ALCAM: variants seen among roughly 807,000 people sequenced by gnomAD.
The protein encoded by ALCAM is activated leukocyte cell adhesion molecule, also known as CD166 antigen.
In ALCAM, 30 loss-of-function variants were observed where a neutral mutation model predicts 70.9. The observed-to-expected ratio is 0.42, with a 90% confidence interval of 0.32 to 0.57. ALCAM has a LOEUF of 0.57. Among genes scored for constraint, ALCAM ranks in the 20% least tolerant of loss-of-function variants. The pLI is 0.11. For missense variants in ALCAM, 591 were observed against 695.1 expected (o/e 0.85, Z 1.68); for synonymous variants, 249 against 242.5 (o/e 1.03, Z -0.25).
At chr3:105,425,173 CTTCA>C (rs1431314985) in intron 1 of ALCAM, among the ~76,000 whole-genome samples, 1 of 151,758 alleles carries the variant, frequency 6.6e-6, no homozygotes, top group African/African-American at 2.4e-5. Flanking sequence ...TTGTTTTGTA[CTTCA>C]TTATTATTGA....
chr3:105,548,861 A>G (rs1410614552), intron 11 of ALCAM, among the ~76,000 whole-genome samples: 5 of 151,468 alleles, frequency 3.3e-5, no homozygotes, highest in Non-Finnish European at 5.9e-5. Flanking sequence ...TTTCTACTCT[A>G]TTGTTTTTGC....
At chr3:105,551,202 A>G (rs1362342679) in intron 12 of ALCAM, among the ~76,000 whole-genome samples, 1 of 151,696 alleles carries the variant, frequency 6.6e-6, no homozygotes. Flanking sequence ...GATTGACAGG[A>G]TAAAAGAACC....
chr3:105,515,558 C>T (rs1331990844), intron 1 of ALCAM, among the ~76,000 whole-genome samples: 3 of 152,006 alleles, frequency 2.0e-5, no homozygotes, highest in African/African-American at 7.2e-5. Context: ...GCAATTTTGC[C>T]TCCCAATGGG....
chr3:105,470,124 T>TATATA (rs1937881939), intron 1 of ALCAM, among the ~76,000 whole-genome samples: 3 of 68,808 alleles, frequency 4.4e-5, no homozygotes, highest in African/African-American at 1.5e-4. Context: ...TATGATATGT[T>TATATA]ATATACATAC....
chr3:105,408,317 G>A (rs1206829816), intron 1 of ALCAM, among the ~76,000 whole-genome samples: 2 of 152,096 alleles, frequency 1.3e-5, no homozygotes, highest in South Asian at 2.1e-4. Flanking sequence ...TAAGGCCATA[G>A]TCACCAAAAC....
At chr3:105,563,083 G>C (rs1391121648) in intron 14 of ALCAM, among the ~76,000 whole-genome samples, 3 of 152,006 alleles carry the variant, frequency 2.0e-5, no homozygotes, top group African/African-American at 7.3e-5. Context: ...TGGGATTACA[G>C]GCATGAGTCA....
intron 1 of ALCAM, among the ~76,000 whole-genome samples, chr3:105,406,721 GACA>G (rs1027988686): frequency 5.4e-5 from 8 of 147,670 alleles, no homozygotes; most frequent in East Asian, 2.0e-4. Flanking sequence ...AAATTTAAAC[GACA>G]ACAACAACAA....
intron 1 of ALCAM, among the ~76,000 whole-genome samples, chr3:105,392,600 T>C (rs1157462424): frequency 6.6e-6 from 1 of 152,012 alleles, no homozygotes; most frequent in Non-Finnish European, 1.5e-5. Context: ...TGATCTTGTT[T>C]ATTTCTTGCC....
intron 11 of ALCAM, 132 bp from the exon 12 acceptor site, chr3:105,549,995 T>C (rs1481629131): frequency 4.5e-6 from 3 of 663,042 alleles, no homozygotes; most frequent in East Asian, 2.9e-5. Context: ...TGATCTATGA[T>C]CTTACATAGC....
At chr3:105,416,377 A>G (rs1936508452) in intron 1 of ALCAM, among the ~76,000 whole-genome samples, 1 of 152,018 alleles carries the variant, frequency 6.6e-6, no homozygotes, top group Non-Finnish European at 1.5e-5. Context: ...TGGTCAATTT[A>G]CTAAACTTTT....
At chr3:105,392,245 C>G (rs1246946618) in intron 1 of ALCAM, among the ~76,000 whole-genome samples, 1 of 151,808 alleles carries the variant, frequency 6.6e-6, no homozygotes. Flanking sequence ...GCCTCAATTT[C>G]AGAACTTACT....
chr3:105,389,031 A>G (rs1429343952), intron 1 of ALCAM, among the ~76,000 whole-genome samples: 1 of 151,622 alleles, frequency 6.6e-6, no homozygotes, highest in African/African-American at 2.4e-5. Flanking sequence ...TCTTTGTTGA[A>G]TGAACAAAGT....
chr3:105,570,522 G>A (rs780567322), intron 14 of ALCAM, among the ~76,000 whole-genome samples: 1 of 152,140 alleles, frequency 6.6e-6, no homozygotes, highest in Non-Finnish European at 1.5e-5. Flanking sequence ...GAAGCACAGA[G>A]AGGAAAAAGA....
chr3:105,461,755 C>T (rs1318500660), intron 1 of ALCAM, among the ~76,000 whole-genome samples: 2 of 151,712 alleles, frequency 1.3e-5, no homozygotes, highest in East Asian at 1.9e-4. Context: ...CTTCCATGTT[C>T]TACCACCTCC....
intron 1 of ALCAM, among the ~76,000 whole-genome samples, chr3:105,387,188 G>A (rs957107441): frequency 2.0e-5 from 3 of 151,258 alleles, no homozygotes; most frequent in African/African-American, 7.3e-5. Flanking sequence ...CTGCTATAGG[G>A]AAGGGCAGGC....
At chr3:105,412,416 G>T (rs1049965034) in intron 1 of ALCAM, among the ~76,000 whole-genome samples, 1 of 152,076 alleles carries the variant, frequency 6.6e-6, no homozygotes, top group Non-Finnish European at 1.5e-5. Context: ...AATTTAAGCA[G>T]ATGTATTCCT....
At chr3:105,447,381 A>C (rs900903344) in intron 1 of ALCAM, among the ~76,000 whole-genome samples, 1 of 152,188 alleles carries the variant, frequency 6.6e-6, no homozygotes, top group African/African-American at 2.4e-5. Context: ...GTATTTTTAA[A>C]GGTAAATCAC....
chr3:105,449,564 A>G (rs1162426991), intron 1 of ALCAM, among the ~76,000 whole-genome samples: 2 of 152,234 alleles, frequency 1.3e-5, no homozygotes, highest in Non-Finnish European at 2.9e-5. Context: ...TCAATTAATC[A>G]GTTACCTTTC....
chr3:105,511,806 G>A (rs150616357), intron 1 of ALCAM, among the ~76,000 whole-genome samples: 2 of 152,096 alleles, frequency 1.3e-5, no homozygotes, highest in African/African-American at 2.4e-5. Flanking sequence ...GATACTTAAT[G>A]TGGAATATAC....
Sources: gnomAD v4.1 joint callset for allele counts (sites outside exome capture counted in the v4.1 genomes callset) on GRCh38, gnomAD v4.1.1 for gene constraint, MANE v1.5 for transcripts, NCBI Gene and HGNC (gene_info 2026-07-23, HGNC 2026-07-21) for gene names.